The following PRSS23 variants were observed in gnomAD, a reference collection of about 807,000 sequenced individuals.
The protein encoded by PRSS23 is protease, serine 23.
A neutral mutation model predicts 34.7 loss-of-function variants in PRSS23; 25 were observed. The observed-to-expected ratio is 0.72, with a 90% confidence interval of 0.53 to 1.01. The LOEUF is 1.01. Among genes scored for constraint, PRSS23 ranks in the 50% least tolerant of loss-of-function variants. The pLI, the probability that PRSS23 is intolerant of heterozygous loss-of-function variation, is 0.00. For synonymous variants in PRSS23, 176 were observed against 186.6 expected, an observed-to-expected ratio of 0.94 and a Z score of 0.46; for missense variants, 445 against 475.6, an observed-to-expected ratio of 0.94 and a Z score of 0.60.
chr11:86,809,201 T>G lies in PRSS23; in HGVS notation c.*406T>G. 5.9e-6 allele frequency: 1 copy of G among 169,610 alleles called. No individual in the cohort carries two copies. 10.5% of individuals were successfully genotyped at this position (169,610 alleles called of 1,614,324 possible). A position where few individuals can be genotyped will look rare whatever the true frequency, so the allele number is the denominator to read the frequency against. On this transcript the variant is annotated 3_prime_UTR_variant, in exon 2 of 2. Transcript: ENST00000280258. Reference sequence around the variant, plus strand: ...AATTCTTATATGTGTGCATGTGTGTTTTCTTCTGAGATTCATCTTGGTGGT... The same window carrying G: ...AATTCTTATATGTGTGCATGTGTGTGTTCTTCTGAGATTCATCTTGGTGGT...
intron 2 of PRSS23, among the ~76,000 whole-genome samples, chr11:86,880,128 G>A (rs61904371): frequency 0.35 from 52,466 of 151,930 alleles, 9,311 homozygotes; most frequent in East Asian, 0.52. Flanking sequence ...TTGTGATCCT[G>A]TTGATCGGTG....
intron 2 of PRSS23, chr11:86,933,703 C>T (rs548805781): frequency 4.6e-5 from 7 of 152,296 alleles, no homozygotes; most frequent in African/African-American, 1.7e-4. Flanking sequence ...AGAAACTTGC[C>T]GTGGGTCACA....
downstream of PRSS23, among the ~76,000 whole-genome samples, chr11:86,812,054 TA>T (rs1166783766): frequency 1.3e-5 from 2 of 152,230 alleles, no homozygotes; most frequent in Non-Finnish European, 2.9e-5. Context: ...GGATGTTTGA[TA>T]AGGCAGCCAT....
chr11:86,921,553 A>C (rs1309978137), intron 2 of PRSS23: 1 of 152,220 alleles, frequency 6.6e-6, no homozygotes, highest in East Asian at 1.9e-4. Context: ...TCTAATTTTT[A>C]ATTGTTTCTT....
At chr11:86,847,924 A>G (rs1416949152) in intron 2 of PRSS23, among the ~76,000 whole-genome samples, 1 of 151,778 alleles carries the variant, frequency 6.6e-6, no homozygotes, top group African/African-American at 2.4e-5. Flanking sequence ...GCCCACAATT[A>G]CCTCCATATT....
At chr11:86,921,216 G>T (rs1265858301) in intron 2 of PRSS23, 1 of 152,110 alleles carries the variant, frequency 6.6e-6, no homozygotes, top group Admixed American at 6.6e-5. Flanking sequence ...CAACTAGTGA[G>T]GTCTCAGCTT....
At chr11:86,854,750 C>A (rs375702765) in intron 2 of PRSS23, among the ~76,000 whole-genome samples, 1 of 152,166 alleles carries the variant, frequency 6.6e-6, no homozygotes. Context: ...TTCTCCAACA[C>A]GATTTGTTGA....
chr11:86,856,687 G>A (rs1482605485), intron 2 of PRSS23, among the ~76,000 whole-genome samples: 5 of 152,176 alleles, frequency 3.3e-5, no homozygotes, highest in African/African-American at 1.2e-4. Context: ...AACCATTGGT[G>A]TTGGAGGACA....
intron 2 of PRSS23, among the ~76,000 whole-genome samples, chr11:86,932,000 G>A (rs1468532308): frequency 4.6e-5 from 7 of 152,164 alleles, no homozygotes; most frequent in Admixed American, 2.6e-4. Flanking sequence ...TATGCAAACT[G>A]TGAATCTTTG....
intron 1 of PRSS23, among the ~76,000 whole-genome samples, chr11:86,801,140 A>G (rs1349611025): frequency 1.3e-5 from 2 of 152,182 alleles, no homozygotes; most frequent in Non-Finnish European, 2.9e-5. Context: ...GAGAAGTGCA[A>G]AAGTGCAGCA....
chr11:86,943,271 C>T, intron 2 of PRSS23, among the ~76,000 whole-genome samples: 1 of 152,214 alleles, frequency 6.6e-6, no homozygotes, highest in Admixed American at 6.5e-5. Flanking sequence ...ATGGTCAGAT[C>T]TCATTATTGA....
At chr11:86,880,224 T>C (rs1948763693) in intron 2 of PRSS23, among the ~76,000 whole-genome samples, 1 of 151,868 alleles carries the variant, frequency 6.6e-6, no homozygotes, top group Non-Finnish European at 1.5e-5. Flanking sequence ...AGATGTGCTT[T>C]GTTAAACAGA....
intron 2 of PRSS23, among the ~76,000 whole-genome samples, chr11:86,896,983 G>A (rs186645697): frequency 3.9e-5 from 6 of 152,302 alleles, no homozygotes; most frequent in East Asian, 1.9e-4. Flanking sequence ...CAGCAGGGCC[G>A]CTTTGCAAAC....
chr11:86,848,869 G>A (rs1011383898), intron 2 of PRSS23, among the ~76,000 whole-genome samples: 2 of 152,340 alleles, frequency 1.3e-5, no homozygotes, highest in Admixed American at 6.5e-5. Flanking sequence ...CAAAAGAGGA[G>A]CAGGCCAATT....
In PRSS23 at chr11:86,900,698, G is replaced by T. The variant is rs149820364; in HGVS notation, c.207-50518G>T. On this transcript the variant is annotated intron_variant, in intron 2 of 2. Coordinates refer to the PRSS23 transcript ENST00000533902. ...TCAGCTCAGAGTCTACACATATGCT[G>T]CTCCCTCTCCCTGGAATCTCTTTCT... Among the ~76,000 whole-genome samples the T allele has an allele frequency of 1.1e-3, 166 of 150,946 alleles. 1 individual carries two copies. Among genetic ancestry groups the T allele is most frequent in the African/African-American group, 3.7e-3 (151 of 41,004 alleles).
chr11:86,842,882 A>G (rs189558715), intron 2 of PRSS23, among the ~76,000 whole-genome samples: 22 of 152,264 alleles, frequency 1.4e-4, no homozygotes, highest in Admixed American at 6.5e-4. Flanking sequence ...ATTTCCATCA[A>G]CTAGCACTAA....
intron 2 of PRSS23, among the ~76,000 whole-genome samples, chr11:86,849,095 C>T (rs1310349137): frequency 2.0e-5 from 3 of 152,180 alleles, no homozygotes; most frequent in Non-Finnish European, 4.4e-5. Context: ...CCAGCTCATG[C>T]AATCACCCTC....
At chr11:86,926,387 T>C (rs1208493725) in intron 2 of PRSS23, among the ~76,000 whole-genome samples, 2 of 151,998 alleles carry the variant, frequency 1.3e-5, no homozygotes, top group East Asian at 3.9e-4. Flanking sequence ...AATAATAAAA[T>C]ATAAATAAAC....
intron 2 of PRSS23, among the ~76,000 whole-genome samples, chr11:86,876,036 G>A (rs1204588898): frequency 2.0e-5 from 3 of 152,102 alleles, no homozygotes; most frequent in Non-Finnish European, 2.9e-5. Context: ...TTTTGTCTAG[G>A]TAGACGTGTA....
Sources: gnomAD v4.1 joint callset for allele counts (sites outside exome capture counted in the v4.1 genomes callset) on GRCh38, gnomAD v4.1.1 for gene constraint, MANE v1.5 for transcripts, NCBI Gene and HGNC (gene_info 2026-07-23, HGNC 2026-07-21) for gene names.